The following ACOX2 variants were observed in gnomAD, a reference collection of about 807,000 sequenced individuals.
ACOX2 encodes acyl-CoA oxidase 2.
ACOX2 carries 59 observed loss-of-function variants against 77.5 expected under a neutral mutation model. That is an observed-to-expected ratio of 0.76 (90% confidence interval 0.62 to 0.95). The LOEUF (loss-of-function observed/expected upper bound fraction) is 0.95, where lower values mean the gene tolerates loss of function less well. ACOX2 is among the 40% of genes least tolerant of loss of function. The pLI, the probability that ACOX2 is intolerant of heterozygous loss-of-function variation, is 0.00. For missense variants in ACOX2, 837 were observed against 880.4 expected, an observed-to-expected ratio of 0.95 and a Z score of 0.62; for synonymous variants, 317 against 340.1, an observed-to-expected ratio of 0.93 and a Z score of 0.75.
intron 13 of ACOX2, among the ~76,000 whole-genome samples, chr3:58,510,691 TATATATATATATATATATACACAC>T (rs1180222416): frequency 0.018 from 332 of 18,908 alleles, 71 homozygotes; most frequent in East Asian, 0.088. Context: ...TATATATATA[TATATATATATATATATATACACAC>T]ACACACACAC....
Position 58,531,480 on chromosome 3 carries a change from C to A in ACOX2, c.704-114G>T. ...GCCTGTGACACTGGGATTATTGTAC[C>A]TATTTTGCAGGTGAACAAGCTGAGG... On this transcript the variant is annotated intron_variant, in intron 6 of 14. Transcript: ENST00000302819. This position sits in a 1 kb window ranked among gnomAD's most constrained non-coding sequence, Gnocchi z 5.8. 8.0e-7 allele frequency: 1 copy of A among 1,244,328 alleles called. No homozygotes were observed. Among genetic ancestry groups the A allele is most frequent in the South Asian group, 1.4e-5 (1 of 70,032 alleles). The allele number at this position is 1,244,328 out of a possible 1,614,324, so 77.1% of individuals were successfully genotyped here.
At chr3:58,511,951 C>T (rs915421146) in intron 13 of ACOX2, among the ~76,000 whole-genome samples, 4 of 152,196 alleles carry the variant, frequency 2.6e-5, no homozygotes, top group African/African-American at 7.2e-5. Context: ...GCGAGGGTCT[C>T]AAGACTGAGT....
At chr3:58,529,365 TC>T (rs957344751) in intron 8 of ACOX2, among the ~76,000 whole-genome samples, 2 of 152,166 alleles carry the variant, frequency 1.3e-5, no homozygotes, top group Admixed American at 6.5e-5. Flanking sequence ...GAGGAATATG[TC>T]AAGCCTAAAC....
rs1207525211 is a variant in ACOX2 at position 58,533,201 on chromosome 3, T to C, written c.583+244A>G. Among the ~76,000 whole-genome samples the C allele has an allele frequency of 6.6e-6, 1 of 152,112 alleles. No homozygotes were observed. Among genetic ancestry groups the C allele is most frequent in the African/African-American group, 2.4e-5 (1 of 41,416 alleles). On this transcript the variant is annotated intron_variant, in intron 5 of 14. Coordinates refer to ENST00000302819, the MANE Select transcript of ACOX2 (RefSeq NM_003500.4). This position sits in a 1 kb window ranked among gnomAD's most constrained non-coding sequence, Gnocchi z 5.6. The stretch of plus-strand genomic sequence containing the variant: ...GGCCTTGTCTCTCATGGATCGATTG[T>C]CTCCTCTACTTCAAAGTTCCTTTGG...
intron 13 of ACOX2, among the ~76,000 whole-genome samples, chr3:58,513,977 T>G (rs1357821923): frequency 6.6e-6 from 1 of 152,116 alleles, no homozygotes; most frequent in East Asian, 1.9e-4. Context: ...GCCAGTTTTT[T>G]AGGAACCAGT....
At chr3:58,510,697 TATATATATATATACACAC>T (rs1463750971) in intron 13 of ACOX2, among the ~76,000 whole-genome samples, 327 of 6,900 alleles carry the variant, frequency 0.047, 68 homozygotes, top group Admixed American at 0.074. Flanking sequence ...TATATATATA[TATATATATATATACACAC>T]ACACACACAC....
Position 58,529,091 on chromosome 3 carries a change from T to C in ACOX2, c.993-135A>G, listed in dbSNP as rs1041395764. 5 of 821,232 alleles carry C rather than the reference T, an allele frequency of 6.1e-6. No individual in the cohort carries two copies. The African/African-American group carries it at 8.6e-5, about 14-fold the overall frequency. 50.9% of individuals were successfully genotyped at this position (821,232 alleles called of 1,614,324 possible). A position where few individuals can be genotyped will look rare whatever the true frequency, so the allele number is the denominator to read the frequency against. ...CAAAACTTGAACTGACATGAGGCCA[T>C]TGATAATCCTTTAAAAATCCCATCT... On this transcript the variant is annotated intron_variant, in intron 8 of 14. Coordinates refer to ENST00000302819, the MANE Select transcript of ACOX2 (RefSeq NM_003500.4).
intron 13 of ACOX2, among the ~76,000 whole-genome samples, chr3:58,516,125 C>T (rs553777028): frequency 4.6e-5 from 7 of 152,226 alleles, no homozygotes; most frequent in South Asian, 2.1e-4. Context: ...CCATACATGG[C>T]ACTGCATTAA....
At position 58,522,495 on chromosome 3, in the gene ACOX2, CCT is replaced by C; in HGVS notation, c.1631_1632del (p.Lys544SerfsTer21). The C allele has an allele frequency of 6.2e-7, 1 of 1,614,000 alleles. No homozygotes were observed. The highest frequency in any genetic ancestry group is 8.5e-7 in the Non-Finnish European group (1 of 1,179,876). On this transcript the variant is annotated frameshift_variant and splice_region_variant, in exon 12 of 15. Coordinates refer to ENST00000302819, the MANE Select transcript of ACOX2 (RefSeq NM_003500.4). LOFTEE classifies it high-confidence loss of function. This position sits in a 1 kb window ranked among gnomAD's most constrained non-coding sequence, Gnocchi z 4.3. ...TTCAGCTTCAGCTGGCAGGCGCTCA[CCT>C]TAGCAGCCTGGAGGTGTATGACAGT... is the stretch of plus-strand genomic sequence containing the variant. Reference protein sequence around the residue: ...QTTVIHLQAAKVHCYYVTVKG... With the variant: ...QTTVIHLQAAXVHCYYVTVKG...
At position 58,510,699 on chromosome 3, in the gene ACOX2, TATATATATATACACAC is replaced by T. The variant is rs1241907644; in HGVS notation, c.1851-1690_1851-1675del. 7.7e-3 allele frequency among the ~76,000 whole-genome samples: 45 copies of T among 5,850 alleles called. 6 individuals are homozygous for T. The highest frequency in any genetic ancestry group is 0.017 in the South Asian group (2 of 120). 3.8% of individuals were successfully genotyped at this position (5,850 alleles called of 152,430 possible). A position where few individuals can be genotyped will look rare whatever the true frequency, so the allele number is the denominator to read the frequency against. ...ATATATATATATATATATATATATA[TATATATATATACACAC>T]ACACACACACACACACACACACACA... On this transcript the variant is annotated intron_variant, in intron 13 of 14. Coordinates refer to ENST00000302819, the MANE Select transcript of ACOX2 (RefSeq NM_003500.4).
At chr3:58,532,545 A>C (rs2063448631) in intron 5 of ACOX2, among the ~76,000 whole-genome samples, 1 of 151,828 alleles carries the variant, frequency 6.6e-6, no homozygotes, top group Non-Finnish European at 1.5e-5. Context: ...GCCACCACAC[A>C]CGACTAATTT....
rs2063305928 is a variant in ACOX2, at chr3:58,514,140, T to A, written c.1850+3066A>T. ...TCTGCCAGGGCAGAGTCAAGGAAAG[T>A]CTTAAAATTACTCACAGAGGCTAGG... On this transcript the variant is annotated intron_variant, in intron 13 of 14. Coordinates refer to ENST00000302819, the MANE Select transcript of ACOX2 (RefSeq NM_003500.4). This position sits in a 1 kb window ranked among gnomAD's most constrained non-coding sequence, Gnocchi z 4.3. 6.6e-6 allele frequency among the ~76,000 whole-genome samples: 1 copy of A among 152,146 alleles called. No individual in the cohort carries two copies. The highest frequency in any genetic ancestry group is 2.4e-5 in the African/African-American group (1 of 41,422).
Position 58,521,848 on chromosome 3 carries a change from G to A in ACOX2, c.1632+648C>T, listed in dbSNP as rs918667477. 3.3e-5 allele frequency among the ~76,000 whole-genome samples: 5 copies of A among 152,114 alleles called. No homozygotes were observed. The highest frequency in any genetic ancestry group is 2.1e-4 in the South Asian group (1 of 4,820). On this transcript the variant is annotated intron_variant, in intron 12 of 14. Transcript: ENST00000302819. This position sits in a 1 kb window ranked among gnomAD's most constrained non-coding sequence, Gnocchi z 4.8. ...TCCTTCTTGCTGCTTCCTTTTGCACGCGCAGCTCCCTTTGCCTGGAAACTT... is the reference window on the plus strand; with the variant it reads ...TCCTTCTTGCTGCTTCCTTTTGCACACGCAGCTCCCTTTGCCTGGAAACTT...
rs763209788 is a variant in ACOX2 at position 58,534,003 on chromosome 3, A to G, written c.466T>C (p.Leu156=). 15 of 1,613,600 alleles carry G rather than the reference A, an allele frequency of 9.3e-6. No homozygotes were observed. Among genetic ancestry groups the G allele is most frequent in the South Asian group, 5.5e-5 (5 of 91,044 alleles). ...QIIATYAQTE[L]GHGTYLQGLE... ...AGCAGTCCTAGCTCACCATGTCCCA[A>G]CTCTGTCTGTGCATACGTTGCGATG... The change falls in exon 4 of 15, where the codon TTG becomes CTG. Residue 156 remains leucine, a synonymous_variant. Coordinates refer to ENST00000302819, the MANE Select transcript of ACOX2 (RefSeq NM_003500.4). This position sits in a 1 kb window ranked among gnomAD's most constrained non-coding sequence, Gnocchi z 4.8.
Position 58,534,739 on chromosome 3 carries a change from G to T in ACOX2, c.160+208C>A. On this transcript the variant is annotated intron_variant, in intron 2 of 14. Coordinates refer to ENST00000302819, the MANE Select transcript of ACOX2 (RefSeq NM_003500.4). This position sits in a 1 kb window ranked among gnomAD's most constrained non-coding sequence, Gnocchi z 4.8. ...TTTAGGACCAGAATCCAGGTCTTCT[G>T]CTGCCTAGGACTCTTCTATCCCCTA... The T allele has an allele frequency of 7.5e-7, 1 of 1,338,288 alleles. No homozygotes were observed. Among genetic ancestry groups the T allele is most frequent in the Non-Finnish European group, 1.0e-6 (1 of 961,568 alleles). The allele number at this position is 1,338,288 out of a possible 1,614,324, so 82.9% of individuals were successfully genotyped here. A position where few individuals can be genotyped will look rare whatever the true frequency, so the allele number is the denominator to read the frequency against.
In ACOX2 at chr3:58,524,449, C is replaced by T. The variant is rs538068210; in HGVS notation, c.1503G>A (p.Thr501=). 9 of 1,613,982 alleles carry T rather than the reference C, an allele frequency of 5.6e-6. No individual in the cohort carries two copies. The highest frequency in any genetic ancestry group is 4.5e-5 in the East Asian group (2 of 44,882). The change falls in exon 11 of 15, where the codon ACG becomes ACA. Residue 501 remains threonine, a synonymous_variant. Transcript: ENST00000302819. This position sits in a 1 kb window ranked among gnomAD's most constrained non-coding sequence, Gnocchi z 5.5. ...ACCTTACTGCCACATGTGCCCAGGC[C>T]GTGGTGTAGAGCTCCGGGCAGAGGA... ...ADFLCPELYT[T]AWAHVAVRLI...
rs2063305640 is a variant in ACOX2, at chr3:58,514,083, G to A, written c.1850+3123C>T. On this transcript the variant is annotated intron_variant, in intron 13 of 14. Transcript: ENST00000302819. This position sits in a 1 kb window ranked among gnomAD's most constrained non-coding sequence, Gnocchi z 4.3. Reference sequence around the variant, plus strand: ...AGCCTTATTATCAACTATACCTGATGCTCCCTAGTCCACAGATCCTCTATT... The same window carrying A: ...AGCCTTATTATCAACTATACCTGATACTCCCTAGTCCACAGATCCTCTATT... Among the ~76,000 whole-genome samples the A allele has an allele frequency of 6.6e-6, 1 of 152,140 alleles. No homozygotes were observed. Among genetic ancestry groups the A allele is most frequent in the South Asian group, 2.1e-4 (1 of 4,836 alleles).
intron 5 of ACOX2, among the ~76,000 whole-genome samples, chr3:58,532,233 G>C (rs2063445694): frequency 6.6e-6 from 1 of 151,956 alleles, no homozygotes; most frequent in Non-Finnish European, 1.5e-5. Context: ...GGCCTGGAGG[G>C]GCAGAGCTAG....
Position 58,531,674 on chromosome 3 carries a change from G to C in ACOX2, c.703+19C>G. Reference sequence around the variant, plus strand: ...CTCTCCTCCTGGCAGGGTTCCTTGAGGGAGCATTATGGGCTTACCTGGCAG... The same window carrying C: ...CTCTCCTCCTGGCAGGGTTCCTTGACGGAGCATTATGGGCTTACCTGGCAG... On this transcript the variant is annotated intron_variant, in intron 6 of 14. Transcript: ENST00000302819. This position sits in a 1 kb window ranked among gnomAD's most constrained non-coding sequence, Gnocchi z 5.8. 6.2e-7 allele frequency: 1 copy of C among 1,612,320 alleles called. No homozygotes were observed. The highest frequency in any genetic ancestry group is 1.1e-5 in the South Asian group (1 of 90,834).
Sources: allele counts gnomAD v4.1 joint callset (sites outside exome capture counted in the v4.1 genomes callset), GRCh38; gene constraint gnomAD v4.1.1; non-coding constraint Gnocchi (gnomAD v3.1); transcripts MANE v1.5; gene names NCBI Gene and HGNC (gene_info 2026-07-23, HGNC 2026-07-21).